GNA13: variants seen among roughly 807,000 people sequenced by gnomAD.
GNA13 encodes G protein subunit alpha 13, also known as guanine nucleotide-binding protein subunit alpha-13.
GNA13 carries 4 observed loss-of-function variants against 33.5 expected under a neutral mutation model. The ratio of observed to expected loss-of-function variants is 0.12; its 90% confidence interval spans 0.06 to 0.27. GNA13 has a LOEUF of 0.27. Among genes scored for constraint, GNA13 ranks in the 10% least tolerant of loss-of-function variants. The pLI is 1.00. For missense variants in GNA13, 319 were observed against 487.2 expected, an observed-to-expected ratio of 0.65 and a Z score of 3.25; for synonymous variants, 176 against 183.8, an observed-to-expected ratio of 0.96 and a Z score of 0.34.
chr17:65,022,653 G>C (rs1284716001), intron 2 of GNA13, among the ~76,000 whole-genome samples: 1 of 152,112 alleles, frequency 6.6e-6, no homozygotes, highest in Non-Finnish European at 1.5e-5. Flanking sequence ...CAAAACACAT[G>C]CAAAATTTTA....
chr17:65,032,128 A>C (rs1413031366), intron 2 of GNA13, among the ~76,000 whole-genome samples: 1 of 145,770 alleles, frequency 6.9e-6, no homozygotes, highest in Non-Finnish European at 1.6e-5. Context: ...GCATGTACTT[A>C]CATAAAGTTT....
At chr17:65,029,040 GT>G (rs1452743622) in intron 2 of GNA13, among the ~76,000 whole-genome samples, 1 of 152,226 alleles carries the variant, frequency 6.6e-6, no homozygotes, top group Non-Finnish European at 1.5e-5. Flanking sequence ...ACATAAGGAT[GT>G]TGGGAAAAAC....
intron 2 of GNA13, among the ~76,000 whole-genome samples, chr17:65,037,969 G>C (rs1334198378): frequency 6.6e-6 from 1 of 151,916 alleles, no homozygotes; most frequent in African/African-American, 2.4e-5. Flanking sequence ...CTGGATTCAA[G>C]ACTCATGTAT....
rs548427446 is a variant in GNA13 at position 65,040,281 on chromosome 17, A to G, written c.510+13221T>C. On this transcript the variant is annotated intron_variant, in intron 2 of 3. Transcript: ENST00000439174. ...AGTATAATTCTCCTTGTTCTAGTCT[A>G]GAGTTGAAATGTATATTATCTTTAT... 1.9e-4 allele frequency among the ~76,000 whole-genome samples: 29 copies of G among 152,334 alleles called. No individual in the cohort carries two copies. The South Asian group carries it at 5.6e-3, about 29-fold the overall frequency.
chr17:65,055,057 T>C (rs1279638500), intron 1 of GNA13, among the ~76,000 whole-genome samples: 2 of 140,204 alleles, frequency 1.4e-5, no homozygotes, highest in African/African-American at 2.6e-5. Context: ...CGGGAGGCGG[T>C]TGGCGGGGAG....
intron 2 of GNA13, among the ~76,000 whole-genome samples, chr17:65,031,921 A>AGAGAGAGAGTGTGTGTGTGT (rs770161529): frequency 1.3e-4 from 12 of 91,680 alleles, no homozygotes; most frequent in Middle Eastern, 6.1e-3. Flanking sequence ...AGAGAGAGAG[A>AGAGAGAGAGTGTGTGTGTGT]GTGTGTGTGT....
intron 2 of GNA13, among the ~76,000 whole-genome samples, chr17:65,047,498 T>C (rs1398955024): frequency 1.3e-5 from 2 of 152,228 alleles, no homozygotes; most frequent in Non-Finnish European, 2.9e-5. Context: ...AATCAAAAGA[T>C]AACCAATAGG....
chr17:65,046,182 T>C (rs8082708), intron 2 of GNA13, among the ~76,000 whole-genome samples: 117,007 of 152,144 alleles, frequency 0.77, 48,623 homozygotes, highest in East Asian at 0.97. Context: ...ATGAATGTGA[T>C]AGGGATTTGA....
intron 2 of GNA13, among the ~76,000 whole-genome samples, chr17:65,039,161 C>T (rs1907368708): frequency 6.6e-6 from 1 of 152,174 alleles, no homozygotes; most frequent in Non-Finnish European, 1.5e-5. Context: ...TGCCTTTCTT[C>T]CCTACCCCAC....
intron 2 of GNA13, among the ~76,000 whole-genome samples, chr17:65,022,353 T>G (rs558404683): frequency 1.3e-5 from 2 of 149,958 alleles, no homozygotes; most frequent in African/African-American, 4.9e-5. Context: ...GACACAGTTA[T>G]AACTTGAAAA....
At position 65,011,367 on chromosome 17, in the gene GNA13, TTGGTTGCAGAGCAA is replaced by T. The variant is rs1184641524; in HGVS notation, c.*2876_*2889del. ...GTTTTTTCATTCCATATTGCTTTCTTTGGTTGCAGAGCAATCCAGTGCCCTTTCCAGATAATAAA... is the reference window on the plus strand; with the variant it reads ...GTTTTTTCATTCCATATTGCTTTCTTTCCAGTGCCCTTTCCAGATAATAAA... On this transcript the variant is annotated 3_prime_UTR_variant, in exon 4 of 4. Transcript: ENST00000439174. 2 of 196,434 alleles carry T rather than the reference TTGGTTGCAGAGCAA, an allele frequency of 1.0e-5. No individual in the cohort carries two copies. Among genetic ancestry groups the T allele is most frequent in the African/African-American group, 2.3e-5 (1 of 43,254 alleles). The allele number at this position is 196,434 out of a possible 1,614,324, so 12.2% of individuals were successfully genotyped here. A position where few individuals can be genotyped will look rare whatever the true frequency, so the allele number is the denominator to read the frequency against.
At chr17:65,026,681 G>A (rs1906795813) in intron 2 of GNA13, among the ~76,000 whole-genome samples, 1 of 152,168 alleles carries the variant, frequency 6.6e-6, no homozygotes, top group African/African-American at 2.4e-5. Flanking sequence ...TAAGAAAATT[G>A]CATAGAAAAT....
intron 2 of GNA13, among the ~76,000 whole-genome samples, chr17:65,050,613 T>C (rs1206337625): frequency 1.3e-5 from 2 of 152,092 alleles, no homozygotes; most frequent in African/African-American, 4.8e-5. Context: ...ACACCTGTAG[T>C]CCTAGCTACT....
chr17:65,056,362 G>T lies in GNA13; in HGVS notation c.232C>A (p.Gln78Lys). 6.2e-7 allele frequency: 1 copy of T among 1,613,062 alleles called. No homozygotes were observed. Among genetic ancestry groups the T allele is most frequent in the Middle Eastern group, 1.6e-4 (1 of 6,062 alleles). ...MRIIHGQDFD[Q>K]RAREEFRPTI... The stretch of plus-strand genomic sequence containing the variant: ...GGGCGGAACTCCTCGCGCGCGCGCT[G>T]GTCGAAGTCCTGCCCGTGGATGATC... The change falls in exon 1 of 4, where the codon CAG becomes AAG. Residue 78 changes from glutamine (Q) to lysine (K), a missense_variant. Physicochemically the swap from Gln to Lys is moderately conservative, Grantham distance 53. Transcript: ENST00000439174.
At chr17:65,033,396 A>AG (rs562878327) in intron 2 of GNA13, among the ~76,000 whole-genome samples, 57 of 152,158 alleles carry the variant, frequency 3.7e-4, no homozygotes, top group African/African-American at 1.3e-3. Flanking sequence ...CTGAAGCAGA[A>AG]GGATTGCCTG....
At chr17:65,032,837 G>A (rs1376792080) in intron 2 of GNA13, among the ~76,000 whole-genome samples, 1 of 152,020 alleles carries the variant, frequency 6.6e-6, no homozygotes, top group African/African-American at 2.4e-5. Context: ...TAGGCTGGGT[G>A]CGGCGGCTCA....
At chr17:65,031,529 A>C (rs755000367) in intron 2 of GNA13, among the ~76,000 whole-genome samples, 1 of 152,214 alleles carries the variant, frequency 6.6e-6, no homozygotes, top group African/African-American at 2.4e-5. Context: ...ATATCAGAGA[A>C]AACTGGAAAT....
chr17:65,029,087 T>C (rs1327316669), intron 2 of GNA13, among the ~76,000 whole-genome samples: 2 of 152,196 alleles, frequency 1.3e-5, no homozygotes, highest in Admixed American at 6.5e-5. Context: ...TACTGTTCAG[T>C]TGTGCTGCTG....
intron 2 of GNA13, among the ~76,000 whole-genome samples, chr17:65,038,719 G>A (rs1041764377): frequency 3.9e-5 from 6 of 152,148 alleles, no homozygotes; most frequent in Admixed American, 1.3e-4. Flanking sequence ...GAGCCACCGT[G>A]CCCCGCCCAA....
Sources: allele counts gnomAD v4.1 joint callset (sites outside exome capture counted in the v4.1 genomes callset), GRCh38; gene constraint gnomAD v4.1.1; transcripts MANE v1.5; gene names NCBI Gene and HGNC (gene_info 2026-07-23, HGNC 2026-07-21).